The following UBL3 variants were observed in gnomAD, a reference collection of about 807,000 sequenced individuals.
The protein encoded by UBL3 is ubiquitin like 3, also known as ubiquitin-like protein 3.
In UBL3, 6 loss-of-function variants were observed where a neutral mutation model predicts 18.4. That is an observed-to-expected ratio of 0.33 (90% CI 0.18 to 0.64). The LOEUF (loss-of-function observed/expected upper bound fraction) is 0.64. Among genes scored for constraint, UBL3 ranks in the 30% least tolerant of loss-of-function variants. The probability of loss-of-function intolerance (pLI) is 0.76; values close to 1 mark genes in which losing one functional copy is unlikely to be tolerated. For synonymous variants in UBL3, 49 were observed against 46.6 expected (o/e 1.05, Z -0.21); for missense variants, 109 against 142.9 (o/e 0.76, Z 1.21).
At chr13:29,824,147 G>A (rs1012539207) in intron 1 of UBL3, among the ~76,000 whole-genome samples, 1 of 152,110 alleles carries the variant, frequency 6.6e-6, no homozygotes. Flanking sequence ...TTGCTATTGT[G>A]AATAGTGCTG....
Position 29,777,219 on chromosome 13 carries a change from G to T in UBL3, c.72C>A (p.Phe24Leu), listed in dbSNP as rs768103678. The T allele has an allele frequency of 1.2e-6, 2 of 1,610,020 alleles. No individual in the cohort carries two copies. The highest frequency in any genetic ancestry group is 2.2e-5 in the East Asian group (1 of 44,782). Residue 24 changes from phenylalanine (F) to leucine (L), a missense_variant, in exon 2 of 5, where the codon TTC (phenylalanine) becomes TTA (leucine). By Grantham distance (22) the Phe-to-Leu change is conservative. Coordinates refer to ENST00000380680, the MANE Select transcript of UBL3 (RefSeq NM_007106.4). ...LILVSGKTKEFLFSPNDSASD... is the reference protein window; with the variant it reads ...LILVSGKTKELLFSPNDSASD... ...AAGCAGAATCGTTAGGAGAAAACAG[G>T]AACTCTTTTGTTTTTCCGCTTACCA... is the stretch of plus-strand genomic sequence containing the variant.
At chr13:29,848,418 T>C (rs1328482041) in intron 1 of UBL3, among the ~76,000 whole-genome samples, 9 of 151,558 alleles carry the variant, frequency 5.9e-5, no homozygotes, top group Admixed American at 4.6e-4. Context: ...GATCGCGCCA[T>C]TGCACTCCAG....
chr13:29,847,098 G>A (rs886493761), intron 1 of UBL3, among the ~76,000 whole-genome samples: 1 of 152,156 alleles, frequency 6.6e-6, no homozygotes, highest in Non-Finnish European at 1.5e-5. Context: ...ACCAGTATTT[G>A]TCATGTTATA....
At chr13:29,823,384 G>T (rs753550448) in intron 1 of UBL3, among the ~76,000 whole-genome samples, 1 of 152,076 alleles carries the variant, frequency 6.6e-6, no homozygotes, top group Admixed American at 6.5e-5. Context: ...CAGGTGATCC[G>T]CCCGCCTTCG....
At chr13:29,826,880 T>A (rs1878635122) in intron 1 of UBL3, among the ~76,000 whole-genome samples, 1 of 152,226 alleles carries the variant, frequency 6.6e-6, no homozygotes, top group Non-Finnish European at 1.5e-5. Context: ...TTCTGGTATG[T>A]TGTGTCTTTG....
intron 1 of UBL3, among the ~76,000 whole-genome samples, chr13:29,782,613 G>A (rs546538349): frequency 6.6e-6 from 1 of 152,262 alleles, no homozygotes; most frequent in East Asian, 1.9e-4. Flanking sequence ...AAACTGCCTA[G>A]TTCCAGAAAA....
At chr13:29,845,329 A>G (rs1180084221) in intron 1 of UBL3, among the ~76,000 whole-genome samples, 1 of 152,104 alleles carries the variant, frequency 6.6e-6, no homozygotes, top group Non-Finnish European at 1.5e-5. Flanking sequence ...TTATTAAGCT[A>G]TTCAAGTCAC....
chr13:29,817,208 A>T (rs1878304199), intron 1 of UBL3, among the ~76,000 whole-genome samples: 1 of 152,252 alleles, frequency 6.6e-6, no homozygotes, highest in African/African-American at 2.4e-5. Context: ...AATAAATAAA[A>T]GCATTTTCTA....
chr13:29,803,120 G>T (rs993263197), intron 1 of UBL3, among the ~76,000 whole-genome samples: 1 of 152,090 alleles, frequency 6.6e-6, no homozygotes, highest in African/African-American at 2.4e-5. Context: ...TATAAGAAAA[G>T]AATTTCCAAC....
At chr13:29,798,333 T>A (rs1014487533) in intron 1 of UBL3, among the ~76,000 whole-genome samples, 1 of 152,080 alleles carries the variant, frequency 6.6e-6, no homozygotes, top group East Asian at 1.9e-4. Context: ...ACCCTAAACA[T>A]CTTTAATGAA....
chr13:29,778,439 A>G (rs926678346), intron 1 of UBL3, among the ~76,000 whole-genome samples: 3 of 152,168 alleles, frequency 2.0e-5, no homozygotes, highest in African/African-American at 7.2e-5. Flanking sequence ...GCCTTTGTTA[A>G]AAGAGTAAGT....
intron 1 of UBL3, among the ~76,000 whole-genome samples, chr13:29,788,838 AGTGTGTGT>A (rs58898742): frequency 0.017 from 2,290 of 138,216 alleles, 35 homozygotes; most frequent in African/African-American, 0.04. Context: ...TTAATGGGGA[AGTGTGTGT>A]GTGTGTGTGT....
intron 1 of UBL3, among the ~76,000 whole-genome samples, chr13:29,829,421 T>C (rs1163786523): frequency 1.3e-5 from 2 of 152,208 alleles, no homozygotes; most frequent in African/African-American, 4.8e-5. Context: ...GCTGCTGCCT[T>C]GCAGTTCAAT....
chr13:29,816,316 T>C (rs1275587287), intron 1 of UBL3, among the ~76,000 whole-genome samples: 5 of 152,168 alleles, frequency 3.3e-5, no homozygotes, highest in African/African-American at 7.2e-5. Context: ...CCACAGAGTT[T>C]AGGGAATTTA....
intron 1 of UBL3, among the ~76,000 whole-genome samples, chr13:29,797,385 C>G (rs746063916): frequency 6.6e-6 from 1 of 152,168 alleles, no homozygotes; most frequent in Non-Finnish European, 1.5e-5. Flanking sequence ...TTTAATGTCT[C>G]TATACAATAT....
intron 1 of UBL3, among the ~76,000 whole-genome samples, chr13:29,842,635 T>A (rs1221360042): frequency 6.6e-6 from 1 of 152,192 alleles, no homozygotes; most frequent in African/African-American, 2.4e-5. Flanking sequence ...CTGTAAGGAT[T>A]AAATTAAATG....
chr13:29,809,621 C>T (rs1877986840), intron 1 of UBL3, among the ~76,000 whole-genome samples: 2 of 152,074 alleles, frequency 1.3e-5, no homozygotes, highest in Admixed American at 1.3e-4. Context: ...AGCTGACAGA[C>T]CCCTTAGAAG....
Position 29,777,211 on chromosome 13 carries a change from G to C in UBL3, c.80C>G (p.Ser27Cys). The C allele has an allele frequency of 2.5e-6, 4 of 1,610,230 alleles. No homozygotes were observed. Among genetic ancestry groups the C allele is most frequent in the Non-Finnish European group, 3.4e-6 (4 of 1,178,098 alleles). Reference protein sequence around the residue: ...VSGKTKEFLFSPNDSASDIAK... With the variant: ...VSGKTKEFLFCPNDSASDIAK... ...AATGTCAGAAGCAGAATCGTTAGGA[G>C]AAAACAGGAACTCTTTTGTTTTTCC... The change falls in exon 2 of 5, where the codon TCT becomes TGT. Residue 27 changes from serine to cysteine, a missense_variant. Transcript: ENST00000380680.
chr13:29,825,600 G>C (rs1414330066), intron 1 of UBL3, among the ~76,000 whole-genome samples: 3 of 152,182 alleles, frequency 2.0e-5, no homozygotes, highest in Admixed American at 6.5e-5. Flanking sequence ...AGGAGATTTT[G>C]GGCTGAGACG....
Sources: gnomAD v4.1 joint callset for allele counts (sites outside exome capture counted in the v4.1 genomes callset) on GRCh38, gnomAD v4.1.1 for gene constraint, MANE v1.5 for transcripts, NCBI Gene and HGNC (gene_info 2026-07-23, HGNC 2026-07-21) for gene names.